The following CNBD1 variants were observed in gnomAD, a reference collection of about 807,000 sequenced individuals.
The protein encoded by CNBD1 is cyclic nucleotide-binding domain-containing protein 1.
In CNBD1, 71 loss-of-function variants were observed where a neutral mutation model predicts 54.4. The observed-to-expected ratio is 1.30, with a 90% CI of 1.08 to 1.59. The LOEUF is 1.59. Among genes scored for constraint, CNBD1 ranks in the 40% most tolerant of loss-of-function variants. The probability of loss-of-function intolerance (pLI) is 0.00; values close to 1 mark genes in which losing one functional copy is unlikely to be tolerated. For missense variants in CNBD1, 659 were observed against 518.0 expected (o/e 1.27, Z -2.64); for synonymous variants, 182 against 170.7 (o/e 1.07, Z -0.51).
chr8:87,321,984 T>G (rs1017906771), intron 8 of CNBD1, among the ~76,000 whole-genome samples: 43 of 142,776 alleles, frequency 3.0e-4, no homozygotes, highest in Non-Finnish European at 1.2e-4. Context: ...CCCCAGAGTG[T>G]GATATTCCCC....
At chr8:87,069,149 A>G (rs1810712130) in intron 4 of CNBD1, among the ~76,000 whole-genome samples, 1 of 152,080 alleles carries the variant, frequency 6.6e-6, no homozygotes, top group Non-Finnish European at 1.5e-5. Context: ...ACCCGTTTAT[A>G]CATTTTTTTG....
At chr8:87,417,162 G>T (rs557742455) in intron 2 of CNBD1, among the ~76,000 whole-genome samples, 63 of 152,072 alleles carry the variant, frequency 4.1e-4, no homozygotes, top group Non-Finnish European at 7.9e-4. Context: ...GGCTGGGGAG[G>T]CCTCATAATC....
chr8:87,282,199 G>T (rs1397429559), intron 6 of CNBD1, among the ~76,000 whole-genome samples: 2 of 151,240 alleles, frequency 1.3e-5, no homozygotes, highest in East Asian at 1.9e-4. Context: ...CCTAGCCCAA[G>T]AATATAAAGA....
At chr8:87,315,040 A>G (rs1223975067) in intron 8 of CNBD1, among the ~76,000 whole-genome samples, 4 of 152,248 alleles carry the variant, frequency 2.6e-5, no homozygotes, top group Non-Finnish European at 4.4e-5. Flanking sequence ...TTTAACAAGC[A>G]AAAGTACTTA....
intron 2 of CNBD1, among the ~76,000 whole-genome samples, chr8:87,427,720 TAAAC>T (rs911429176): frequency 4.6e-5 from 7 of 152,206 alleles, no homozygotes; most frequent in African/African-American, 1.7e-4. Context: ...CAAGTAAGAA[TAAAC>T]AAACTCTTCA....
At chr8:86,906,716 TC>T (rs955747650) in intron 3 of CNBD1, among the ~76,000 whole-genome samples, 2 of 152,248 alleles carry the variant, frequency 1.3e-5, no homozygotes, top group Admixed American at 6.5e-5. Flanking sequence ...TCATATTTAT[TC>T]ATTAATCTAC....
intron 8 of CNBD1, among the ~76,000 whole-genome samples, chr8:87,331,250 C>G (rs1164647808): frequency 3.9e-5 from 6 of 152,074 alleles, no homozygotes; most frequent in Non-Finnish European, 7.4e-5. Flanking sequence ...GTGTGTTGTT[C>G]CCCGATGTGT....
chr8:86,996,455 A>T (rs1808871983), intron 4 of CNBD1, among the ~76,000 whole-genome samples: 1 of 152,196 alleles, frequency 6.6e-6, no homozygotes, highest in East Asian at 1.9e-4. Flanking sequence ...TATAAACCTG[A>T]TCAATGTTTT....
intron 4 of CNBD1, among the ~76,000 whole-genome samples, chr8:87,091,032 C>G (rs552394477): frequency 2.0e-5 from 3 of 149,152 alleles, no homozygotes; most frequent in African/African-American, 7.4e-5. Context: ...CCCAGCTACT[C>G]GGGAGGCTGA....
At chr8:87,055,259 A>G (rs1810389543) in intron 4 of CNBD1, among the ~76,000 whole-genome samples, 1 of 152,196 alleles carries the variant, frequency 6.6e-6, no homozygotes, top group Non-Finnish European at 1.5e-5. Context: ...TTACAGTTGA[A>G]TGCTAAAGCT....
rs545748183 is a variant in CNBD1, at chr8:87,310,634, T to C, written c.1042+23963T>C. 1.7e-3 allele frequency among the ~76,000 whole-genome samples: 265 copies of C among 152,216 alleles called. 1 individual carries two copies. The highest frequency in any genetic ancestry group is 6.0e-3 in the African/African-American group (248 of 41,536). On this transcript the variant is annotated intron_variant, in intron 8 of 10. Coordinates refer to ENST00000518476, the MANE Select transcript of CNBD1 (RefSeq NM_173538.3). ...TTTCACATAATTTGAAATAAGCGAT[T>C]CTAAAATTTATGTGGAGCTAAAAAA...
intron 4 of CNBD1, among the ~76,000 whole-genome samples, chr8:87,082,348 T>C (rs1811013316): frequency 6.6e-6 from 1 of 152,144 alleles, no homozygotes; most frequent in Non-Finnish European, 1.5e-5. Flanking sequence ...TTGCTGACTA[T>C]TTTTTTGGAC....
intron 2 of CNBD1, among the ~76,000 whole-genome samples, chr8:87,425,627 G>A (rs1202203019): frequency 6.6e-6 from 1 of 152,124 alleles, no homozygotes; most frequent in Admixed American, 6.5e-5. Context: ...CAGTTAGGCT[G>A]CTCGGGGGTC....
intron 8 of CNBD1, among the ~76,000 whole-genome samples, chr8:87,305,283 C>A (rs1034365262): frequency 5.5e-4 from 84 of 152,130 alleles, no homozygotes; most frequent in African/African-American, 2.0e-3. Context: ...GAAACAAATC[C>A]CATGCTCATG....
chr8:87,061,394 T>C (rs1396821088), intron 4 of CNBD1, among the ~76,000 whole-genome samples: 1 of 152,240 alleles, frequency 6.6e-6, no homozygotes, highest in Non-Finnish European at 1.5e-5. Flanking sequence ...GTCATATTTT[T>C]ACAATGCTCT....
downstream of CNBD1, among the ~76,000 whole-genome samples, chr8:87,383,024 A>T (rs1811113501): frequency 6.6e-6 from 1 of 151,984 alleles, no homozygotes; most frequent in African/African-American, 2.4e-5. Flanking sequence ...ATTGAGGACC[A>T]CATGTGCCTT....
At chr8:87,373,362 T>C (rs1410451164) in intron 10 of CNBD1, among the ~76,000 whole-genome samples, 3 of 151,748 alleles carry the variant, frequency 2.0e-5, no homozygotes, top group East Asian at 1.9e-4. Flanking sequence ...ACAAGTAACA[T>C]AATTTGGAGT....
At chr8:87,418,843 C>G (rs990827172) in intron 2 of CNBD1, among the ~76,000 whole-genome samples, 1 of 151,836 alleles carries the variant, frequency 6.6e-6, no homozygotes, top group Non-Finnish European at 1.5e-5. Context: ...AACCCTTATA[C>G]ATAGCTGATG....
chr8:87,100,870 C>T (rs1039603514), intron 4 of CNBD1, among the ~76,000 whole-genome samples: 10 of 152,172 alleles, frequency 6.6e-5, no homozygotes, highest in Non-Finnish European at 1.3e-4. Context: ...ACAGAGGGAA[C>T]GGTCTCTAAA....
Sources: allele counts gnomAD v4.1 joint callset (sites outside exome capture counted in the v4.1 genomes callset), GRCh38; gene constraint gnomAD v4.1.1; transcripts MANE v1.5; gene names NCBI Gene and HGNC (gene_info 2026-07-23, HGNC 2026-07-21).